Variants in FBXO38 observed in about 807,000 individuals in gnomAD.
FBXO38 encodes F-box only protein 38.
A neutral mutation model predicts 131.9 loss-of-function variants in FBXO38; 53 were observed. That is an observed-to-expected ratio of 0.40 (90% CI 0.32 to 0.51). The LOEUF is 0.51. Among genes scored for constraint, FBXO38 ranks in the 20% least tolerant of loss-of-function variants. The pLI is 0.53. For synonymous variants in FBXO38, 452 were observed against 505.6 expected (o/e 0.89, Z 1.42); for missense variants, 1,076 against 1,475.6 (o/e 0.73, Z 4.44).
chr5:148,440,836 T>C (rs1380359172), intron 20 of FBXO38, among the ~76,000 whole-genome samples: 1 of 151,920 alleles, frequency 6.6e-6, no homozygotes, highest in Non-Finnish European at 1.5e-5. Context: ...TGAATGGGGG[T>C]CCTACAGTTC....
At chr5:148,434,028 C>A in intron 17 of FBXO38, 1 of 202,590 alleles carries the variant, frequency 4.9e-6, no homozygotes, top group Non-Finnish European at 9.9e-6. Context: ...GTCAGATAGA[C>A]CTCAGCTTGA....
intron 1 of FBXO38, among the ~76,000 whole-genome samples, chr5:148,389,336 T>TTGCC (rs1160612460): frequency 9.8e-5 from 15 of 152,340 alleles, no homozygotes; most frequent in African/African-American, 3.6e-4. Context: ...ACCAATAAAC[T>TTGCC]TGCCTGACGC....
In FBXO38 at chr5:148,421,450, ATAT is replaced by A. The variant is rs574382051; in HGVS notation, c.1619-2544_1619-2542del. Among the ~76,000 whole-genome samples the A allele has an allele frequency of 3.7e-4, 56 of 152,302 alleles. No homozygotes were observed. In the South Asian group the frequency reaches 8.7e-3, roughly 24 times the overall value. On this transcript the variant is annotated intron_variant, in intron 12 of 21. Transcript: ENST00000340253. The stretch of plus-strand genomic sequence containing the variant: ...GGGGCAGGTAGTTGTCAACCACTAA[ATAT>A]TATATCTGATAATAAATTTCTATTA...
chr5:148,400,298 T>C (rs1752073272), intron 3 of FBXO38, among the ~76,000 whole-genome samples: 1 of 152,058 alleles, frequency 6.6e-6, no homozygotes. Flanking sequence ...AGTGTGAAAA[T>C]GATTGTCTTA....
At chr5:148,407,992 A>G (rs1321755024) in intron 7 of FBXO38, among the ~76,000 whole-genome samples, 4 of 152,136 alleles carry the variant, frequency 2.6e-5, no homozygotes, top group East Asian at 1.9e-4. Context: ...TGCAATACAG[A>G]TACTGGGTAT....
At chr5:148,399,413 T>C (rs1752013764) in intron 3 of FBXO38, 1 of 387,136 alleles carries the variant, frequency 2.6e-6, no homozygotes, top group Non-Finnish European at 4.7e-6. Context: ...CTTTGGTTAA[T>C]TGAGTATATG....
At chr5:148,401,294 C>T (rs529762839) in intron 3 of FBXO38, among the ~76,000 whole-genome samples, 5 of 152,266 alleles carry the variant, frequency 3.3e-5, no homozygotes, top group Admixed American at 6.5e-5. Context: ...TCTCTCTGTT[C>T]CCATCTTGTT....
At chr5:148,434,753 A>G (rs1417380796) in intron 17 of FBXO38, 3 of 152,226 alleles carry the variant, frequency 2.0e-5, no homozygotes, top group Non-Finnish European at 4.4e-5. Context: ...TTATATGTGA[A>G]GTAGCATTGT....
chr5:148,432,888 G>T (rs932497749), intron 15 of FBXO38, among the ~76,000 whole-genome samples: 3 of 152,288 alleles, frequency 2.0e-5, no homozygotes, highest in African/African-American at 4.8e-5. Context: ...GCTTGAGTTG[G>T]ACCTTTCATA....
chr5:148,408,195 A>G (rs761983036), intron 7 of FBXO38, among the ~76,000 whole-genome samples: 1 of 152,232 alleles, frequency 6.6e-6, no homozygotes, highest in Non-Finnish European at 1.5e-5. Context: ...TAAAATGACT[A>G]TGCCTACTCG....
intron 1 of FBXO38, chr5:148,390,096 T>C (rs2113485801): frequency 6.6e-6 from 1 of 151,816 alleles, no homozygotes; most frequent in South Asian, 2.1e-4. Context: ...ATTTCAAGTG[T>C]TCTTTCTCAT....
At chr5:148,434,030 T>C in intron 17 of FBXO38, 1 of 198,832 alleles carries the variant, frequency 5.0e-6, no homozygotes, top group South Asian at 1.5e-4. Context: ...CAGATAGACC[T>C]CAGCTTGATT....
intron 12 of FBXO38, among the ~76,000 whole-genome samples, chr5:148,422,047 CT>C (rs35962676): frequency 2.4e-3 from 344 of 145,030 alleles, no homozygotes; most frequent in Middle Eastern, 3.6e-3. Flanking sequence ...AGACCTTTCT[CT>C]TTTTTTTTTT....
chr5:148,441,661 C>T (rs1754693261), intron 21 of FBXO38, among the ~76,000 whole-genome samples: 2 of 152,106 alleles, frequency 1.3e-5, no homozygotes, highest in African/African-American at 2.4e-5. Context: ...TGGTAGCATA[C>T]TTGAATATTT....
intron 11 of FBXO38, chr5:148,416,607 C>G (rs1160035710): frequency 5.3e-6 from 1 of 190,074 alleles, no homozygotes; most frequent in East Asian, 1.4e-4. Context: ...AAAACTTAAT[C>G]CTTCAACCAT....
Position 148,414,286 on chromosome 5 carries a change from A to G in FBXO38, c.1244A>G (p.Asn415Ser). 1 of 1,607,438 alleles carries G rather than the reference A, an allele frequency of 6.2e-7. No individual in the cohort carries two copies. Among genetic ancestry groups the G allele is most frequent in the Non-Finnish European group, 8.5e-7 (1 of 1,177,812 alleles). ...ATTTACAATTGCCCTCATCTACACA[A>G]CCCATACAATTGGATCTCAGGTATT... ...LAIYNCPHLH[N>S]PYNWISDHSR... The change falls in exon 10 of 22, where the codon AAC (asparagine) becomes AGC (serine). Residue 415 changes from asparagine (N) to serine (S), a missense_variant. Transcript: ENST00000340253.
At chr5:148,406,440 A>G (rs1752448666) in intron 7 of FBXO38, 46 bp downstream of exon 7, 1 of 1,416,842 alleles carries the variant, frequency 7.1e-7, no homozygotes, top group Admixed American at 2.5e-5. Flanking sequence ...AAATCAACTT[A>G]AAATAATCAT....
At position 148,394,699 on chromosome 5, in the gene FBXO38, C is replaced by A; in HGVS notation, c.-63-15C>A. On this transcript the variant is annotated splice_polypyrimidine_tract_variant and intron_variant, in intron 1 of 21. Transcript: ENST00000340253. The stretch of plus-strand genomic sequence containing the variant: ...GTGTGTTTTTTTAGTCTACTTCGTT[C>A]TGTTTGCTTTTCAGGTACTTTGAAC... The A allele has an allele frequency of 7.3e-7, 1 of 1,372,552 alleles. No individual in the cohort carries two copies. Among genetic ancestry groups the A allele is most frequent in the Non-Finnish European group, 9.6e-7 (1 of 1,044,088 alleles). 85.0% of individuals were successfully genotyped at this position (1,372,552 alleles called of 1,614,324 possible).
chr5:148,424,117 G>C lies in FBXO38; in HGVS notation c.1738G>C (p.Gly580Arg). The C allele has an allele frequency of 1.2e-6, 2 of 1,611,242 alleles. No homozygotes were observed. The highest frequency in any genetic ancestry group is 1.7e-6 in the Non-Finnish European group (2 of 1,178,712). Residue 580 changes from glycine to arginine, a missense_variant and splice_region_variant, in exon 13 of 22, where the codon GGA (glycine) becomes CGA (arginine). Gly to Arg is a moderately radical substitution (Grantham distance 125). This residue lies in a region of FBXO38 where 212 missense variants were observed against 221.2 expected (regional missense o/e 0.96). Transcript: ENST00000340253. ...TGTGGATGTTGATGAGGAACAAGCAGGTAATCATGTGATCCATCCCACATT... is the reference window on the plus strand; with the variant it reads ...TGTGGATGTTGATGAGGAACAAGCACGTAATCATGTGATCCATCCCACATT... ...IPVDVDEEQAGPSGLQRVVKP... is the reference protein window; with the variant it reads ...IPVDVDEEQARPSGLQRVVKP...
Sources: gnomAD v4.1 joint callset for allele counts (sites outside exome capture counted in the v4.1 genomes callset) on GRCh38, gnomAD v4.1.1 for gene constraint, gnomAD v4.1.1 regional missense constraint, MANE v1.5 for transcripts, NCBI Gene and HGNC (gene_info 2026-07-23, HGNC 2026-07-21) for gene names.